Variants in ZIM2 observed in about 807,000 individuals in gnomAD.
ZIM2 encodes the protein zinc finger protein 656.
Under a neutral mutation model 38.6 loss-of-function variants are expected in ZIM2, and 14 were observed. The observed-to-expected ratio is 0.36, with a 90% CI of 0.24 to 0.57. ZIM2 has a LOEUF of 0.57. Among genes scored for constraint, ZIM2 ranks in the 20% least tolerant of loss-of-function variants. ZIM2 has a pLI of 0.81. For missense variants in ZIM2, 680 were observed against 695.1 expected (o/e 0.98, Z 0.24); for synonymous variants, 247 against 245.8 (o/e 1.00, Z -0.04).
chr19:56,808,109 G>T (rs1200922602), intron 9 of ZIM2, among the ~76,000 whole-genome samples: 3 of 152,128 alleles, frequency 2.0e-5, no homozygotes, highest in Non-Finnish European at 4.4e-5. Flanking sequence ...AAGTCTGACT[G>T]GTCTACCCCA....
intron 8 of ZIM2, among the ~76,000 whole-genome samples, chr19:56,818,285 A>G (rs952797724): frequency 6.6e-6 from 1 of 152,192 alleles, no homozygotes; most frequent in Non-Finnish European, 1.5e-5. Flanking sequence ...ATGGGAACTC[A>G]GGATCCCATC....
intron 1 of ZIM2, among the ~76,000 whole-genome samples, chr19:56,837,312 G>C (rs1280960513): frequency 5.3e-5 from 8 of 152,068 alleles, no homozygotes; most frequent in African/African-American, 1.9e-4. Context: ...GCCCCTCTCA[G>C]GACCACCCGC....
At position 56,818,434 on chromosome 19, in the gene ZIM2, C is replaced by A. The variant is rs111385762; in HGVS notation, c.397+166G>T. ...AAGCCAGAGGCATTTCTTAAAAACA[C>A]AAATTTTATCATTTACTCCCTCATT... On this transcript the variant is annotated intron_variant, in intron 8 of 12. Transcript: ENST00000629319. 5.1e-3 allele frequency among the ~76,000 whole-genome samples: 777 copies of A among 152,302 alleles called. 4 individuals are homozygous for A. The highest frequency in any genetic ancestry group is 9.1e-3 in the Admixed American group (140 of 15,302).
In ZIM2 at chr19:56,815,693, T is replaced by G. The variant is rs200862415; in HGVS notation, c.490+2053A>C. On this transcript the variant is annotated intron_variant, in intron 9 of 12. Transcript: ENST00000629319. ...GGAACAGAGAATTCGCCATCCTTCT[T>G]AAACTCACCAGATCCCTCTCCAGGA... 1.7e-4 allele frequency: 277 copies of G among 1,614,058 alleles called. No homozygotes were observed. Among genetic ancestry groups the G allele is most frequent in the Non-Finnish European group, 2.1e-4 (245 of 1,180,040 alleles).
At chr19:56,786,316 G>A (rs1484577124) in intron 10 of ZIM2, among the ~76,000 whole-genome samples, 1 of 151,968 alleles carries the variant, frequency 6.6e-6, no homozygotes, top group South Asian at 2.1e-4. Context: ...CAAGGAAAAG[G>A]CCCTTTTCAA....
chr19:56,815,601 A>G, intron 9 of ZIM2: 1 of 1,614,108 alleles, frequency 6.2e-7, no homozygotes, highest in Non-Finnish European at 8.5e-7. Context: ...CAGAGGTCTC[A>G]TTGCTCCTAT....
At chr19:56,809,909 T>C (rs1187307179) in intron 9 of ZIM2, among the ~76,000 whole-genome samples, 3 of 152,196 alleles carry the variant, frequency 2.0e-5, no homozygotes, top group African/African-American at 7.2e-5. Flanking sequence ...CAAACAGTAT[T>C]TAAAAATCCC....
At chr19:56,821,853 G>C (rs1156373245) in intron 6 of ZIM2, 99 bp from the exon 7 acceptor site, 1 of 1,299,398 alleles carries the variant, frequency 7.7e-7, no homozygotes, top group Admixed American at 1.7e-5. Flanking sequence ...GGGTGTGAGT[G>C]TATGAGAGCA....
chr19:56,784,499 CAT>C (rs750365492), intron 10 of ZIM2, among the ~76,000 whole-genome samples: 64 of 152,262 alleles, frequency 4.2e-4, no homozygotes, highest in South Asian at 1.2e-3. Flanking sequence ...GTCACAGTGT[CAT>C]ATTTAAACGA....
rs771967809 is a variant in ZIM2 at position 56,814,219 on chromosome 19, G to A, written c.490+3527C>T. ...AGCAGCCTCCACTTCTGGCTCAGCA[G>A]CCTCCACTTCTGGCTCGGCAGCCTC... On this transcript the variant is annotated intron_variant, in intron 9 of 12. Transcript: ENST00000629319. The surrounding 1 kb of genome is among the most constrained non-coding windows in gnomAD (Gnocchi z 5.8). The A allele has an allele frequency of 9.3e-6, 15 of 1,613,004 alleles. No individual in the cohort carries two copies. The Admixed American group carries it at 2.5e-4, about 27-fold the overall frequency.
chr19:56,799,374 C>T (rs558856219), intron 9 of ZIM2: 10 of 152,268 alleles, frequency 6.6e-5, no homozygotes, highest in African/African-American at 2.2e-4. Flanking sequence ...CACATGTTCT[C>T]ACTTGTAAGT....
Position 56,817,301 on chromosome 19 carries a change from G to C in ZIM2, c.490+445C>G, listed in dbSNP as rs746531138. On this transcript the variant is annotated intron_variant, in intron 9 of 12. Transcript: ENST00000629319. ...TCAAGAACTCTCTTTCTGGAAACAAGGGTTGAATTAAACCTAAAGCCTCCC... is the reference window on the plus strand; with the variant it reads ...TCAAGAACTCTCTTTCTGGAAACAACGGTTGAATTAAACCTAAAGCCTCCC... The C allele has an allele frequency of 3.7e-6, 6 of 1,614,104 alleles. No homozygotes were observed. In the South Asian group the frequency reaches 5.5e-5, roughly 15 times the overall value.
chr19:56,830,518 C>T (rs2146512147), intron 2 of ZIM2, among the ~76,000 whole-genome samples: 1 of 152,296 alleles, frequency 6.6e-6, no homozygotes, highest in African/African-American at 2.4e-5. Context: ...AGATGTTCCT[C>T]TGGAAGTGGG....
At chr19:56,812,703 C>T (rs2059618067) in intron 9 of ZIM2, 2 of 983,494 alleles carry the variant, frequency 2.0e-6, no homozygotes, top group Non-Finnish European at 1.2e-6. Flanking sequence ...TCATTAGGCA[C>T]TACTGTGATC....
chr19:56,812,795 C>T (rs1028993736), intron 9 of ZIM2: 71 of 969,424 alleles, frequency 7.3e-5, no homozygotes, highest in Non-Finnish European at 1.7e-5. Context: ...AATTCACTAT[C>T]ATCAAACACA....
At position 56,776,361 on chromosome 19, in the gene ZIM2, T is replaced by C. The variant is rs909154073; in HGVS notation, c.836-832A>G. Among the ~76,000 whole-genome samples, 4 of 152,306 alleles carry C rather than the reference T, an allele frequency of 2.6e-5. No individual in the cohort carries two copies. The South Asian group carries it at 6.2e-4, about 24-fold the overall frequency. On this transcript the variant is annotated intron_variant, in intron 12 of 12. Transcript: ENST00000629319. The stretch of plus-strand genomic sequence containing the variant: ...CACTGTCAAGTTAATTTGGGAAATG[T>C]TGTATGACACAAATCAAGCAGGTTT...
At chr19:56,796,280 T>C (rs1441191704) in intron 9 of ZIM2, among the ~76,000 whole-genome samples, 3 of 152,258 alleles carry the variant, frequency 2.0e-5, no homozygotes, top group South Asian at 4.1e-4. Context: ...TCTAGATTAC[T>C]TACATTACCT....
chr19:56,829,411 T>A (rs772520944), intron 2 of ZIM2, among the ~76,000 whole-genome samples: 1 of 151,488 alleles, frequency 6.6e-6, no homozygotes, highest in Non-Finnish European at 1.5e-5. Flanking sequence ...TAATTTCTGG[T>A]TTGTAAAAGG....
intron 9 of ZIM2, among the ~76,000 whole-genome samples, chr19:56,809,689 A>G (rs575995966): frequency 6.6e-6 from 1 of 152,362 alleles, no homozygotes; most frequent in Admixed American, 6.5e-5. Context: ...AGAGTCAGGA[A>G]TAAACACTTG....
Sources: allele counts gnomAD v4.1 joint callset (sites outside exome capture counted in the v4.1 genomes callset), GRCh38; gene constraint gnomAD v4.1.1; non-coding constraint Gnocchi (gnomAD v3.1); transcripts MANE v1.5; gene names NCBI Gene and HGNC (gene_info 2026-07-23, HGNC 2026-07-21).